The following ABCA12 variants were observed in gnomAD, a reference collection of about 807,000 sequenced individuals.
The protein encoded by ABCA12 is ATP binding cassette subfamily A member 12, also known as glucosylceramide transporter ABCA12.
Under a neutral mutation model 293.5 loss-of-function variants are expected in ABCA12, and 156 were observed. The observed-to-expected ratio is 0.53, with a 90% CI of 0.47 to 0.61. ABCA12 has a LOEUF of 0.61. Ranked by LOEUF, ABCA12 falls within the 20% of genes least tolerant of loss-of-function variation. ABCA12 has a pLI of 0.00. For synonymous variants in ABCA12, 1,063 were observed against 1,108.0 expected (o/e 0.96, Z 0.81); for missense variants, 2,797 against 3,090.2 (o/e 0.91, Z 2.25).
chr2:214,991,728 C>T (rs986111128), intron 23 of ABCA12, among the ~76,000 whole-genome samples: 1 of 152,206 alleles, frequency 6.6e-6, no homozygotes, highest in Admixed American at 6.5e-5. Flanking sequence ...ACCTCTCTCT[C>T]AATTGATATT....
At chr2:215,004,442 C>A in intron 19 of ABCA12, 143 bp from the exon 20 acceptor site, 1 of 659,396 alleles carries the variant, frequency 1.5e-6, no homozygotes, top group South Asian at 1.8e-5. Flanking sequence ...ACAGAGAAAT[C>A]CTTGAGAAGA....
chr2:215,083,954 A>G (rs994566730), intron 2 of ABCA12, among the ~76,000 whole-genome samples: 2 of 152,046 alleles, frequency 1.3e-5, no homozygotes, highest in African/African-American at 4.8e-5. Context: ...CTTTTTTATA[A>G]AGAATATCTT....
Position 214,932,070 on chromosome 2 carries a change from A to C in ABCA12, c.*564T>G, listed in dbSNP as rs1269448681. On this transcript the variant is annotated 3_prime_UTR_variant, in exon 53 of 53. Transcript: ENST00000272895. ...TTTCGGGTTCAGCACGTCCCCATGCATTCACAGGTACCGAAAGTGACATAC... is the reference window on the plus strand; with the variant it reads ...TTTCGGGTTCAGCACGTCCCCATGCCTTCACAGGTACCGAAAGTGACATAC... 2.5e-5 allele frequency: 4 copies of C among 158,054 alleles called. No homozygotes were observed. The East Asian group carries it at 5.6e-4, about 22-fold the overall frequency. 9.8% of individuals were successfully genotyped at this position (158,054 alleles called of 1,614,324 possible). A position where few individuals can be genotyped will look rare whatever the true frequency, so the allele number is the denominator to read the frequency against.
In ABCA12 at chr2:215,078,930, G is replaced by A. The variant is rs150147705; in HGVS notation, c.164-14711C>T. On this transcript the variant is annotated intron_variant, in intron 2 of 52. Transcript: ENST00000272895. ...AACAATAAAATTAAATCCTACCCAC[G>A]GGTCCAAAAATTAAAAGAAAGTGGG... Among the ~76,000 whole-genome samples, 698 of 152,196 alleles carry A rather than the reference G, an allele frequency of 4.6e-3. 5 individuals are homozygous for A. The highest frequency in any genetic ancestry group is 0.016 in the African/African-American group (670 of 41,538).
chr2:215,130,946 T>A (rs946713054), intron 1 of ABCA12, among the ~76,000 whole-genome samples: 9 of 152,000 alleles, frequency 5.9e-5, no homozygotes, highest in Non-Finnish European at 2.9e-5. Context: ...GTTTTTTTTT[T>A]AATCACGAAA....
At chr2:215,015,353 A>T in intron 15 of ABCA12, 137 bp downstream of exon 15, 1 of 887,104 alleles carries the variant, frequency 1.1e-6, no homozygotes, top group Non-Finnish European at 1.7e-6. Context: ...GGTTGCATTT[A>T]GCTTTAACAT....
At chr2:214,953,199 C>G (rs1698833111) in intron 44 of ABCA12, among the ~76,000 whole-genome samples, 1 of 152,116 alleles carries the variant, frequency 6.6e-6, no homozygotes, top group South Asian at 2.1e-4. Flanking sequence ...ATCATTTTTT[C>G]TAATGGCTGT....
At chr2:215,096,371 C>A (rs992521366) in intron 2 of ABCA12, among the ~76,000 whole-genome samples, 1 of 152,156 alleles carries the variant, frequency 6.6e-6, no homozygotes, top group African/African-American at 2.4e-5. Context: ...GGGGTTTGAT[C>A]ATTAGGCTCT....
At chr2:214,955,470 C>T in intron 42 of ABCA12, 109 bp from the exon 43 acceptor site, 2 of 1,150,022 alleles carry the variant, frequency 1.7e-6, no homozygotes, top group Non-Finnish European at 2.6e-6. Context: ...TCACTTGAGC[C>T]CAGGAGTTTG....
At chr2:214,977,662 A>G (rs1296077958) in intron 33 of ABCA12, among the ~76,000 whole-genome samples, 2 of 152,172 alleles carry the variant, frequency 1.3e-5, no homozygotes, top group East Asian at 1.9e-4. Context: ...CCAATCCCAC[A>G]AAGTCGTGTC....
In ABCA12 at chr2:214,975,907, G is replaced by A. The variant is rs568340032; in HGVS notation, c.5259C>T (p.Leu1753=). 4 of 1,614,120 alleles carry A rather than the reference G, an allele frequency of 2.5e-6. No homozygotes were observed. The highest frequency in any genetic ancestry group is 2.7e-5 in the African/African-American group (2 of 75,030). Residue 1753 remains leucine (L), a synonymous_variant, in exon 34 of 53, where the codon CTC becomes CTT. Coordinates refer to ENST00000272895, the MANE Select transcript of ABCA12 (RefSeq NM_173076.3). ...TGGCAGTGGTAACAAAGACGATGGG[G>A]AGGATAACCTGAGCAATGAGACCTT... is the stretch of plus-strand genomic sequence containing the variant. The part of the protein sequence containing the change: ...NWKGLIAQVI[L]PIVFVTTAMG...
intron 10 of ABCA12, among the ~76,000 whole-genome samples, chr2:215,026,197 T>C (rs1374981443): frequency 6.6e-6 from 1 of 152,202 alleles, no homozygotes; most frequent in Non-Finnish European, 1.5e-5. Flanking sequence ...TTGTGCTATT[T>C]GCTTGCCATT....
chr2:214,953,986 T>C lies in ABCA12; in HGVS notation c.6515A>G (p.Tyr2172Cys). 3.1e-6 allele frequency: 5 copies of C among 1,614,120 alleles called. No homozygotes were observed. The highest frequency in any genetic ancestry group is 4.2e-6 in the Non-Finnish European group (5 of 1,179,986). Residue 2172 changes from tyrosine to cysteine, a missense_variant, in exon 44 of 53, where the codon TAT (tyrosine) becomes TGT (cysteine). Physicochemically the swap from Tyr to Cys is radical, Grantham distance 194. Coordinates refer to ENST00000272895, the MANE Select transcript of ABCA12 (RefSeq NM_173076.3). ...QQSVLDFLKA[Y>C]GVEYPNETFE... ...GGTTTCATTTGGGTATTCCACTCCA[T>C]ATGCTTTTAAGAAGTCTAGGACCGA...
chr2:215,042,817 A>C (rs1040079132), intron 7 of ABCA12, among the ~76,000 whole-genome samples: 6 of 152,082 alleles, frequency 3.9e-5, no homozygotes, highest in Non-Finnish European at 8.8e-5. Flanking sequence ...TCTAATTGTA[A>C]CTTTCTACCC....
At chr2:214,973,791 G>GCCA (rs1699442883) in intron 36 of ABCA12, among the ~76,000 whole-genome samples, 158 bp downstream of exon 36, 2 of 152,154 alleles carry the variant, frequency 1.3e-5, no homozygotes, top group Non-Finnish European at 2.9e-5. Context: ...GATGTTCAAA[G>GCCA]TCAGTATTTT....
rs763391221 is a variant in ABCA12, at chr2:215,019,572, T to C, written c.1512A>G (p.Gly504=). The C allele has an allele frequency of 4.3e-6, 7 of 1,614,218 alleles. No individual in the cohort carries two copies. In the Admixed American group the frequency reaches 1.2e-4, roughly 27 times the overall value. Residue 504 remains glycine, a synonymous_variant, in exon 12 of 53, where the codon GGA becomes GGG. Coordinates refer to ENST00000272895, the MANE Select transcript of ABCA12 (RefSeq NM_173076.3). Reference sequence around the variant, plus strand: ...TATTTAAATTAATTTTGCTTGGATCTCCAGTCAGCAAATCTCTCACTTTTT... The same window carrying C: ...TATTTAAATTAATTTTGCTTGGATCCCCAGTCAGCAAATCTCTCACTTTTT... ...ISKKVRDLLT[G]DPSKINLNMD... is the part of the protein sequence containing the mutation.
rs1031056177 is a variant in ABCA12, at chr2:215,000,951, G to A, written c.2933C>T (p.Pro978Leu). The A allele has an allele frequency of 1.2e-6, 2 of 1,613,968 alleles. No individual in the cohort carries two copies. The highest frequency in any genetic ancestry group is 1.3e-5 in the African/African-American group (1 of 75,008). The change falls in exon 22 of 53, where the codon CCT becomes CTT. Residue 978 changes from proline to leucine, a missense_variant. By Grantham distance (98) the Pro-to-Leu change is moderately conservative (BLOSUM62 -3). Around this residue, in one of 3 missense-constraint regions of ABCA12, gnomAD observed 2,130 missense variants for 2,427.0 expected, o/e 0.88. Coordinates refer to ENST00000272895, the MANE Select transcript of ABCA12 (RefSeq NM_173076.3). ...CCGGATGGTATATTTTATGACAGGA[G>A]GAAGAAAGACATTTCCAGAGTCATA... is the stretch of plus-strand genomic sequence containing the variant. ...RGYDSGNVFL[P>L]PVIKYTIRMS...
rs761161488 is a variant in ABCA12, at chr2:214,956,738, A to G, written c.6158T>C (p.Ile2053Thr). The G allele has an allele frequency of 6.2e-6, 10 of 1,613,624 alleles. No individual in the cohort carries two copies. The highest frequency in any genetic ancestry group is 1.3e-5 in the African/African-American group (1 of 74,896). ...GAATGCAGGTAATTTGAAAATCGCA[A>G]TGATACCAATTGAAAACGCTACAGG... is the stretch of plus-strand genomic sequence containing the variant. Reference protein sequence around the residue: ...LVPVAFSIGIIAIFKLPAFYS... With the variant: ...LVPVAFSIGITAIFKLPAFYS... Residue 2053 changes from isoleucine (I) to threonine (T), a missense_variant, in exon 42 of 53, where the codon ATT (isoleucine) becomes ACT (threonine). Physicochemically the swap from Ile to Thr is moderately conservative, Grantham distance 89. Coordinates refer to ENST00000272895, the MANE Select transcript of ABCA12 (RefSeq NM_173076.3).
chr2:214,952,218 T>C (rs1559110716), intron 44 of ABCA12, among the ~76,000 whole-genome samples: 1 of 106,946 alleles, frequency 9.4e-6, no homozygotes, highest in African/African-American at 4.2e-5. Context: ...GCCTTTTTTT[T>C]GTTGTTTTTT....
Sources: allele counts gnomAD v4.1 joint callset (sites outside exome capture counted in the v4.1 genomes callset), GRCh38; gene constraint gnomAD v4.1.1; regional missense constraint gnomAD v4.1.1; transcripts MANE v1.5; gene names NCBI Gene and HGNC (gene_info 2026-07-23, HGNC 2026-07-21).